The following PAQR5 variants were observed in gnomAD, a reference collection of about 807,000 sequenced individuals.
PAQR5 encodes membrane progestin receptor gamma.
PAQR5 carries 20 observed loss-of-function variants against 34.5 expected under a neutral mutation model. The observed-to-expected ratio is 0.58, with a 90% confidence interval of 0.41 to 0.84. The LOEUF is 0.84. Ranked by LOEUF, PAQR5 falls within the 40% of genes least tolerant of loss-of-function variation. The probability of loss-of-function intolerance (pLI) is 0.00; values close to 1 mark genes in which losing one functional copy is unlikely to be tolerated. For missense variants in PAQR5, 378 were observed against 412.7 expected, an observed-to-expected ratio of 0.92 and a Z score of 0.73; for synonymous variants, 131 against 155.6, an observed-to-expected ratio of 0.84 and a Z score of 1.18.
At chr15:69,335,542 G>GTTTTTTTT (rs56712868) in intron 1 of PAQR5, among the ~76,000 whole-genome samples, 1 of 61,096 alleles carries the variant, frequency 1.6e-5, no homozygotes, top group African/African-American at 6.7e-5. Context: ...ACCGCATCCA[G>GTTTTTTTT]TTTTTTTTTT....
At chr15:69,374,049 T>TTACCATTG (rs145141123) in intron 3 of PAQR5, among the ~76,000 whole-genome samples, 7,523 of 152,276 alleles carry the variant, frequency 0.049, 384 homozygotes, top group African/African-American at 0.12. Flanking sequence ...CAGAAGAGAC[T>TTACCATTG]TCTTCTGTAA....
intron 2 of PAQR5, among the ~76,000 whole-genome samples, chr15:69,352,472 T>G (rs1265368326): frequency 6.6e-6 from 1 of 152,198 alleles, no homozygotes; most frequent in Non-Finnish European, 1.5e-5. Context: ...GTGACACAAA[T>G]GCCCATGGTT....
rs189772951 is a variant in PAQR5, at chr15:69,369,343, C to T, written c.51+9212C>T. Among the ~76,000 whole-genome samples, 4 of 152,250 alleles carry T rather than the reference C, an allele frequency of 2.6e-5. No homozygotes were observed. In the East Asian group the frequency reaches 7.7e-4, roughly 29 times the overall value. Reference sequence around the variant, plus strand: ...CTGAGGTCAGGAGTTCGAAACCAGCCTGACCAACATGGTGAAACCCTGTCT... The same window carrying T: ...CTGAGGTCAGGAGTTCGAAACCAGCTTGACCAACATGGTGAAACCCTGTCT... On this transcript the variant is annotated intron_variant, in intron 3 of 8. Transcript: ENST00000395407.
At chr15:69,371,102 A>G (rs1397014164) in intron 3 of PAQR5, among the ~76,000 whole-genome samples, 1 of 151,960 alleles carries the variant, frequency 6.6e-6, no homozygotes. Flanking sequence ...GTCTATTGAC[A>G]ATGATGTTAA....
At chr15:69,354,403 T>C (rs759746964) in intron 2 of PAQR5, among the ~76,000 whole-genome samples, 9 of 152,232 alleles carry the variant, frequency 5.9e-5, no homozygotes, top group Non-Finnish European at 8.8e-5. Context: ...ATAAGATTTA[T>C]TGACCTTGTA....
At chr15:69,391,483 G>A (rs528838591) in intron 6 of PAQR5, 2 of 262,776 alleles carry the variant, frequency 7.6e-6, no homozygotes, top group Non-Finnish European at 1.5e-5. Context: ...CGTGGATGAA[G>A]GGAGGTATAA....
intron 4 of PAQR5, among the ~76,000 whole-genome samples, chr15:69,383,662 G>A (rs1287483778): frequency 8.8e-6 from 1 of 113,488 alleles, no homozygotes; most frequent in Non-Finnish European, 1.9e-5. Flanking sequence ...GAGGGTGAGC[G>A]GGCCCTCTGT....
rs2140291833 is a variant in PAQR5, at chr15:69,407,579, T to C, written c.*3757T>C. The C allele has an allele frequency of 6.6e-6, 1 of 152,346 alleles. No individual in the cohort carries two copies. The highest frequency in any genetic ancestry group is 1.9e-4 in the East Asian group (1 of 5,192). 9.4% of individuals were successfully genotyped at this position (152,346 alleles called of 1,614,324 possible). On this transcript the variant is annotated 3_prime_UTR_variant, in exon 9 of 9. Transcript: ENST00000395407. ...AACTCAGATGTTCTCCAACTTACACTAATGTCTGGTTTTCTTGAACTATGT... is the reference window on the plus strand; with the variant it reads ...AACTCAGATGTTCTCCAACTTACACCAATGTCTGGTTTTCTTGAACTATGT...
At chr15:69,303,823 C>T (rs75690221) in intron 1 of PAQR5, among the ~76,000 whole-genome samples, 2,185 of 152,304 alleles carry the variant, frequency 0.014, 55 homozygotes, top group African/African-American at 0.05. Context: ...AGCACGCCCC[C>T]CACAGAGGAG....
At chr15:69,393,849 T>G (rs1351530689) in intron 6 of PAQR5, among the ~76,000 whole-genome samples, 2 of 152,224 alleles carry the variant, frequency 1.3e-5, no homozygotes, top group Non-Finnish European at 2.9e-5. Flanking sequence ...TGGTTCTTAT[T>G]GTCATGGACT....
chr15:69,322,424 G>T (rs951711406), intron 1 of PAQR5, among the ~76,000 whole-genome samples: 1 of 148,846 alleles, frequency 6.7e-6, no homozygotes, highest in African/African-American at 2.5e-5. Context: ...AGCCGAGATC[G>T]CACCACTGCA....
intron 3 of PAQR5, among the ~76,000 whole-genome samples, chr15:69,364,501 TATATATATACATTATATATGTA>T (rs1338527346): frequency 4.1e-5 from 6 of 144,846 alleles, no homozygotes; most frequent in South Asian, 2.1e-4. Flanking sequence ...TTATATATGT[TATATATATACATTATATATGTA>T]ATATATATAC....
intron 1 of PAQR5, among the ~76,000 whole-genome samples, chr15:69,322,691 G>A (rs12898515): frequency 9.7e-3 from 246 of 25,304 alleles, no homozygotes; most frequent in Admixed American, 0.02. Context: ...AAGGAGAAGA[G>A]GAAGAAGAAG....
intron 3 of PAQR5, among the ~76,000 whole-genome samples, chr15:69,364,501 T>TATATATATACATTATATATGTA (rs1338527346): frequency 8.3e-5 from 12 of 144,824 alleles, no homozygotes; most frequent in African/African-American, 2.4e-4. Flanking sequence ...TTATATATGT[T>TATATATATACATTATATATGTA]ATATATATAC....
chr15:69,310,732 C>G (rs1422589688), intron 1 of PAQR5, among the ~76,000 whole-genome samples: 1 of 152,024 alleles, frequency 6.6e-6, no homozygotes, highest in African/African-American at 2.4e-5. Context: ...GCTGTTACTG[C>G]TGTTTTTTAA....
At chr15:69,326,731 C>G (rs755568660) in intron 1 of PAQR5, among the ~76,000 whole-genome samples, 11 of 152,144 alleles carry the variant, frequency 7.2e-5, no homozygotes, top group Non-Finnish European at 1.5e-4. Flanking sequence ...GCCACCGCAC[C>G]TGGCCTTTTG....
rs756365117 is a variant in PAQR5 at position 69,397,538 on chromosome 15, T to C, written c.583T>C (p.Trp195Arg). The C allele has an allele frequency of 5.6e-6, 9 of 1,611,422 alleles. No individual in the cohort carries two copies. Among genetic ancestry groups the C allele is most frequent in the Non-Finnish European group, 6.8e-6 (8 of 1,177,562 alleles). Residue 195 changes from tryptophan to arginine, a missense_variant, in exon 7 of 9, where the codon TGG becomes CGG. Transcript: ENST00000395407. Reference protein sequence around the residue: ...RVLAFAYPYTWDSLPIFYRLF... With the variant: ...RVLAFAYPYTRDSLPIFYRLF... ...CCTCGCCTTTGCTTATCCGTACACC[T>C]GGGACTCCCTCCCCATCTTCTACAG...
chr15:69,301,227 C>A (rs2053599098), intron 1 of PAQR5, among the ~76,000 whole-genome samples: 1 of 152,030 alleles, frequency 6.6e-6, no homozygotes, highest in Non-Finnish European at 1.5e-5. Flanking sequence ...TGGTCTCGAA[C>A]TGCTAACATC....
intron 6 of PAQR5, among the ~76,000 whole-genome samples, chr15:69,394,770 C>T (rs965048679): frequency 1.7e-4 from 26 of 152,232 alleles, no homozygotes; most frequent in African/African-American, 6.3e-4. Flanking sequence ...TGTGGTTCTG[C>T]TCTGGCTGTG....
Sources: gnomAD v4.1 joint callset for allele counts (sites outside exome capture counted in the v4.1 genomes callset) on GRCh38, gnomAD v4.1.1 for gene constraint, MANE v1.5 for transcripts, NCBI Gene and HGNC (gene_info 2026-07-23, HGNC 2026-07-21) for gene names.